ALDH18A1: variants seen among roughly 807,000 people sequenced by gnomAD.
The protein encoded by ALDH18A1 is aldehyde dehydrogenase 18 family member A1, also known as delta-1-pyrroline-5-carboxylate synthase.
A neutral mutation model predicts 88.8 loss-of-function variants in ALDH18A1; 44 were observed. The ratio of observed to expected loss-of-function variants is 0.50; its 90% CI spans 0.39 to 0.64. The LOEUF is 0.64. Ranked by LOEUF, ALDH18A1 falls within the 30% of genes least tolerant of loss-of-function variation. ALDH18A1 has a pLI of 0.00. For missense variants in ALDH18A1, 782 were observed against 1,009.5 expected, an observed-to-expected ratio of 0.77 and a Z score of 3.05; for synonymous variants, 331 against 372.1, an observed-to-expected ratio of 0.89 and a Z score of 1.27.
Position 95,633,652 on chromosome 10 carries a change from A to G in ALDH18A1, c.559-3T>C. ...AAATCCAAATTGGTCACCAAAATCTAAAAGGATTAAATAGATGGAAAATGC... is the reference window on the plus strand; with the variant it reads ...AAATCCAAATTGGTCACCAAAATCTGAAAGGATTAAATAGATGGAAAATGC... On this transcript the variant is annotated splice_polypyrimidine_tract_variant and splice_region_variant and intron_variant, in intron 5 of 17. Coordinates refer to ENST00000371224, the MANE Select transcript of ALDH18A1 (RefSeq NM_002860.4). 6.2e-7 allele frequency: 1 copy of G among 1,614,018 alleles called. No individual in the cohort carries two copies. Among genetic ancestry groups the G allele is most frequent in the Non-Finnish European group, 8.5e-7 (1 of 1,179,960 alleles).
rs771584878 is a variant in ALDH18A1, at chr10:95,610,202, C to A, written c.2201G>T (p.Gly734Val). The A allele has an allele frequency of 6.2e-7, 1 of 1,613,892 alleles. No individual in the cohort carries two copies. The highest frequency in any genetic ancestry group is 1.3e-5 in the African/African-American group (1 of 74,930). Residue 734 changes from glycine (G) to valine (V), a missense_variant, in exon 17 of 18, where the codon GGA (glycine) becomes GTA (valine). Coordinates refer to ENST00000371224, the MANE Select transcript of ALDH18A1 (RefSeq NM_002860.4). Reference sequence around the variant, plus strand: ...CCAACCAGAGTCTTTCTTACCCAGTCCAAAGCGGTAACCATCAGAAAAGCG... The same window carrying A: ...CCAACCAGAGTCTTTCTTACCCAGTACAAAGCGGTAACCATCAGAAAAGCG... The part of the protein sequence containing the change: ...STRFSDGYRF[G>V]LGAEVGISTS...
At chr10:95,652,796 T>C (rs2097912333) in intron 2 of ALDH18A1, among the ~76,000 whole-genome samples, 1 of 152,076 alleles carries the variant, frequency 6.6e-6, no homozygotes, top group South Asian at 2.1e-4. Flanking sequence ...ACTGAGAACA[T>C]TTCACCAGGA....
intron 3 of ALDH18A1, among the ~76,000 whole-genome samples, chr10:95,640,347 TTTC>T (rs1399869951): frequency 7.9e-6 from 1 of 127,178 alleles, no homozygotes; most frequent in African/African-American, 3.0e-5. Context: ...GATTCCCTTT[TTTC>T]TTTTTTTTTT....
rs1320690165 is a variant in ALDH18A1 at position 95,626,746 on chromosome 10, G to A, written c.1109C>T (p.Ala370Val). ...GGCCAACATCCTTCCTCCAGATCGC[G>A]CCATTTCTCCCTGCTGCTCAACAGT... is the stretch of plus-strand genomic sequence containing the variant. Reference protein sequence around the residue: ...GPTVEQQGEMARSGGRMLATL... With the variant: ...GPTVEQQGEMVRSGGRMLATL... The change falls in exon 10 of 18, where the codon GCG becomes GTG. Residue 370 changes from alanine (A) to valine (V), a missense_variant. Physicochemically the swap from Ala to Val is moderately conservative, Grantham distance 64 (BLOSUM62 0). Transcript: ENST00000371224. 13 of 1,613,756 alleles carry A rather than the reference G, an allele frequency of 8.1e-6. No individual in the cohort carries two copies. Among genetic ancestry groups the A allele is most frequent in the African/African-American group, 1.3e-5 (1 of 74,850 alleles).
At chr10:95,633,161 A>T in intron 6 of ALDH18A1, 112 bp from the exon 7 acceptor site, 1 of 927,734 alleles carries the variant, frequency 1.1e-6, no homozygotes, top group South Asian at 1.4e-5. Flanking sequence ...AGGCAAAACC[A>T]ATGAACCCAA....
rs2097863307 is a variant in ALDH18A1 at position 95,628,374 on chromosome 10, T to C, written c.927A>G (p.Glu309=). 2 of 1,614,134 alleles carry C rather than the reference T, an allele frequency of 1.2e-6. No homozygotes were observed. The highest frequency in any genetic ancestry group is 1.7e-6 in the Non-Finnish European group (2 of 1,179,970). Residue 309 remains glutamate, a synonymous_variant, in exon 8 of 18, where the codon GAA becomes GAG. Coordinates refer to ENST00000371224, the MANE Select transcript of ALDH18A1 (RefSeq NM_002860.4). The part of the protein sequence containing the change: ...TKSRVGMGGM[E]AKVKAALWAL... ...TAAGGCACCAGATTCTTACCTTGGC[T>C]TCCATGCCACCCATTCCCACTCTAG...
At chr10:95,619,126 C>G (rs2097848295) in intron 12 of ALDH18A1, among the ~76,000 whole-genome samples, 1 of 152,148 alleles carries the variant, frequency 6.6e-6, no homozygotes, top group Non-Finnish European at 1.5e-5. Context: ...GCAAAAATCA[C>G]AAGCATTCCT....
At chr10:95,628,298 A>C (rs1286677110) in intron 8 of ALDH18A1, 70 bp downstream of exon 8, 1 of 1,607,188 alleles carries the variant, frequency 6.2e-7, no homozygotes, top group African/African-American at 1.3e-5. Context: ...AATAATTACA[A>C]AAGTAAAAAG....
Position 95,640,370 on chromosome 10 carries a change from G to A in ALDH18A1, c.303+2622C>T, listed in dbSNP as rs1365135083. Among the ~76,000 whole-genome samples the A allele has an allele frequency of 4.0e-5, 6 of 148,848 alleles. No homozygotes were observed. The East Asian group carries it at 9.9e-4, about 25-fold the overall frequency. On this transcript the variant is annotated intron_variant, in intron 3 of 17. Transcript: ENST00000371224. ...TTTTTCTTTTTTTTTTTGAGACTGAGTCTCACTCTCGCCCAGGCTGAAGTG... is the reference window on the plus strand; with the variant it reads ...TTTTTCTTTTTTTTTTTGAGACTGAATCTCACTCTCGCCCAGGCTGAAGTG...
Position 95,625,462 on chromosome 10 carries a change from G to C in ALDH18A1, c.1153-7C>G. ...GATGGATAATTTCTGCTCTCTAGAAGAAAGGTACACCATTAAAAAAACAGA... is the reference window on the plus strand; with the variant it reads ...GATGGATAATTTCTGCTCTCTAGAACAAAGGTACACCATTAAAAAAACAGA... On this transcript the variant is annotated splice_region_variant and splice_polypyrimidine_tract_variant and intron_variant, in intron 10 of 17. Coordinates refer to ENST00000371224, the MANE Select transcript of ALDH18A1 (RefSeq NM_002860.4). 1 of 1,611,004 alleles carries C rather than the reference G, an allele frequency of 6.2e-7. No homozygotes were observed. The highest frequency in any genetic ancestry group is 1.3e-5 in the African/African-American group (1 of 74,886).
At chr10:95,622,388 T>C (rs1013036928) in intron 11 of ALDH18A1, among the ~76,000 whole-genome samples, 4 of 151,974 alleles carry the variant, frequency 2.6e-5, no homozygotes, top group African/African-American at 9.7e-5. Context: ...TTTGTAGAGA[T>C]AGGGGGTCTC....
chr10:95,621,358 C>T (rs933404359), intron 11 of ALDH18A1, 107 bp from the exon 12 acceptor site: 20 of 1,056,036 alleles, frequency 1.9e-5, no homozygotes, highest in African/African-American at 8.1e-5. Context: ...CTCACTCTGA[C>T]GCCCAGGCTG....
chr10:95,628,303 A>G (rs2097863217), intron 8 of ALDH18A1, 65 bp downstream of exon 8: 3 of 1,608,548 alleles, frequency 1.9e-6, no homozygotes, highest in South Asian at 1.1e-5. Flanking sequence ...TTACAAAAGT[A>G]AAAAGGATAC....
At chr10:95,655,678 G>GAC (rs1164049814) in intron 1 of ALDH18A1, among the ~76,000 whole-genome samples, 6 of 52,216 alleles carry the variant, frequency 1.1e-4, no homozygotes, top group Admixed American at 2.3e-4. Flanking sequence ...AAGGAGCAAA[G>GAC]AGAGTGTGTG....
chr10:95,620,934 T>TAA (rs75882174), intron 12 of ALDH18A1, 97 bp downstream of exon 12: 1,186 of 1,092,158 alleles, frequency 1.1e-3, no homozygotes, highest in Non-Finnish European at 1.3e-3. Context: ...GAACTTAAAT[T>TAA]AAAAAAAAAA....
At chr10:95,640,418 T>A (rs1175682445) in intron 3 of ALDH18A1, among the ~76,000 whole-genome samples, 1 of 152,010 alleles carries the variant, frequency 6.6e-6, no homozygotes, top group Non-Finnish European at 1.5e-5. Flanking sequence ...CTTGTCTCAC[T>A]GCAACCTCCA....
intron 5 of ALDH18A1, among the ~76,000 whole-genome samples, chr10:95,634,836 T>C (rs1017640622): frequency 3.3e-5 from 5 of 152,072 alleles, no homozygotes; most frequent in Admixed American, 6.6e-5. Flanking sequence ...GGCTCAACAA[T>C]AAATAATGCA....
rs775400551 is a variant in ALDH18A1, at chr10:95,613,952, C to T, written c.1801+14G>A. ...ATTTCTCCGTTGTGAAAGAGAAGACCCCATCCAGCTCACCTAGCCTGGTGA... is the reference window on the plus strand; with the variant it reads ...ATTTCTCCGTTGTGAAAGAGAAGACTCCATCCAGCTCACCTAGCCTGGTGA... On this transcript the variant is annotated intron_variant, in intron 14 of 17. Coordinates refer to ENST00000371224, the MANE Select transcript of ALDH18A1 (RefSeq NM_002860.4). 17 of 1,614,136 alleles carry T rather than the reference C, an allele frequency of 1.1e-5. No individual in the cohort carries two copies. The highest frequency in any genetic ancestry group is 1.3e-5 in the Non-Finnish European group (15 of 1,180,022).
At chr10:95,617,309 C>A (rs1280892791) in intron 12 of ALDH18A1, among the ~76,000 whole-genome samples, 1 of 152,236 alleles carries the variant, frequency 6.6e-6, no homozygotes. Flanking sequence ...CACCCCCCAC[C>A]GTGGAGAACA....
Sources: gnomAD v4.1 joint callset for allele counts (sites outside exome capture counted in the v4.1 genomes callset) on GRCh38, gnomAD v4.1.1 for gene constraint, MANE v1.5 for transcripts, NCBI Gene and HGNC (gene_info 2026-07-23, HGNC 2026-07-21) for gene names.